Variants in PTTG1IP2 observed in about 807,000 individuals in gnomAD.
PTTG1IP2 encodes PTTG1IP family member 2.
intron 2 of PTTG1IP2, among the ~76,000 whole-genome samples, chr7:90,486,053 C>T (rs796832545): frequency 2.8e-4 from 42 of 152,238 alleles, no homozygotes; most frequent in African/African-American, 9.6e-4. Context: ...TTAATCTTGT[C>T]CAGTGTGAAA....
At chr7:90,506,023 A>G (rs1340678521) in intron 6 of PTTG1IP2, among the ~76,000 whole-genome samples, 1 of 150,364 alleles carries the variant, frequency 6.7e-6, no homozygotes, top group Non-Finnish European at 1.5e-5. Context: ...AAAAAAAAGA[A>G]AATGCCTGTT....
At chr7:90,501,972 A>C (rs138329936) in intron 6 of PTTG1IP2, among the ~76,000 whole-genome samples, 407 of 152,324 alleles carry the variant, frequency 2.7e-3, no homozygotes, top group Non-Finnish European at 3.7e-3. Flanking sequence ...TATCAATTAC[A>C]TTTATGTAAT....
chr7:90,502,243 C>T (rs981075216), intron 6 of PTTG1IP2, among the ~76,000 whole-genome samples: 2 of 152,192 alleles, frequency 1.3e-5, no homozygotes, highest in Admixed American at 6.5e-5. Flanking sequence ...CTCAAATGAT[C>T]CTCAAGTGAT....
intron 2 of PTTG1IP2, among the ~76,000 whole-genome samples, chr7:90,483,333 T>C (rs1416625009): frequency 6.6e-6 from 1 of 152,206 alleles, no homozygotes; most frequent in Non-Finnish European, 1.5e-5. Context: ...ATATCTTTTC[T>C]CTTTCATTGA....
chr7:90,476,306 T>A (rs1272040804), intron 1 of PTTG1IP2, among the ~76,000 whole-genome samples: 3 of 152,170 alleles, frequency 2.0e-5, no homozygotes, highest in Non-Finnish European at 2.9e-5. Context: ...CCATCTGATT[T>A]CTGAAATCCA....
chr7:90,486,628 G>T (rs756611354), intron 2 of PTTG1IP2, among the ~76,000 whole-genome samples: 2 of 152,096 alleles, frequency 1.3e-5, no homozygotes, highest in South Asian at 4.1e-4. Flanking sequence ...GTGAGGTAAG[G>T]CTTGTTGACA....
At chr7:90,472,940 C>T (rs2116041145) in intron 1 of PTTG1IP2, among the ~76,000 whole-genome samples, 1 of 152,234 alleles carries the variant, frequency 6.6e-6, no homozygotes, top group East Asian at 1.9e-4. Context: ...CCTGGTATAC[C>T]ACTTCTGGCT....
Position 90,492,711 on chromosome 7 carries a change from C to A in PTTG1IP2, c.451+402C>A, listed in dbSNP as rs1797952216. 2.6e-5 allele frequency among the ~76,000 whole-genome samples: 4 copies of A among 152,102 alleles called. No homozygotes were observed. The South Asian group carries it at 8.3e-4, about 32-fold the overall frequency. On this transcript the variant is annotated intron_variant, in intron 5 of 6. Coordinates refer to ENST00000509356, the MANE Select transcript of PTTG1IP2 (RefSeq NM_001365443.2). ...ATTGATAAAGATGGGCTAAAATTTT[C>A]CAACCCAGTCGGAGATATTCATAGC...
At chr7:90,489,584 A>G (rs956989917) in intron 4 of PTTG1IP2, among the ~76,000 whole-genome samples, 2 of 151,758 alleles carry the variant, frequency 1.3e-5, no homozygotes, top group African/African-American at 2.4e-5. Flanking sequence ...TTTCTCATTA[A>G]TTTGACCTTG....
intron 1 of PTTG1IP2, among the ~76,000 whole-genome samples, chr7:90,477,619 G>A (rs1671811054): frequency 6.6e-6 from 1 of 152,200 alleles, no homozygotes; most frequent in Admixed American, 6.5e-5. Flanking sequence ...GCAAGAGTGA[G>A]ACATTGTCGC....
intron 6 of PTTG1IP2, 127 bp from the exon 7 acceptor site, chr7:90,513,151 G>GA (rs1437398397): frequency 6.6e-6 from 1 of 152,622 alleles, no homozygotes; most frequent in African/African-American, 2.4e-5. Flanking sequence ...TCAGGAGTTG[G>GA]AAAACATTAC....
chr7:90,490,786 A>G (rs10253635), intron 4 of PTTG1IP2, among the ~76,000 whole-genome samples: 2,319 of 152,302 alleles, frequency 0.015, 53 homozygotes, highest in African/African-American at 0.053. Flanking sequence ...AATTCTGCCC[A>G]TAAGAGTAGG....
intron 2 of PTTG1IP2, among the ~76,000 whole-genome samples, chr7:90,481,786 C>A (rs1009490600): frequency 3.9e-5 from 6 of 152,110 alleles, no homozygotes; most frequent in African/African-American, 1.4e-4. Flanking sequence ...TCCTTAAGGA[C>A]AGAGTCCATG....
intron 6 of PTTG1IP2, among the ~76,000 whole-genome samples, chr7:90,496,862 T>G (rs1797997407): frequency 6.6e-6 from 1 of 152,192 alleles, no homozygotes; most frequent in African/African-American, 2.4e-5. Flanking sequence ...TTTTGCTGCA[T>G]CCCATAAATT....
rs550666357 is a variant in PTTG1IP2 at position 90,475,244 on chromosome 7, T to C, written c.146-3984T>C. ...ATTGTGACTATAGTCACACTGTGGT[T>C]GCCTTGACCTATTTAATTGACTATG... On this transcript the variant is annotated intron_variant, in intron 1 of 6. Transcript: ENST00000509356. Among the ~76,000 whole-genome samples, 7 of 152,324 alleles carry C rather than the reference T, an allele frequency of 4.6e-5. No individual in the cohort carries two copies. In the East Asian group the frequency reaches 1.3e-3, roughly 29 times the overall value.
intron 6 of PTTG1IP2, among the ~76,000 whole-genome samples, chr7:90,494,851 CA>C (rs549991765): frequency 3.5e-4 from 54 of 152,220 alleles, no homozygotes; most frequent in African/African-American, 1.2e-3. Context: ...TCACTACAAA[CA>C]ATAAAAAATT....
At chr7:90,502,808 G>A (rs925313595) in intron 6 of PTTG1IP2, among the ~76,000 whole-genome samples, 9 of 152,174 alleles carry the variant, frequency 5.9e-5, no homozygotes, top group African/African-American at 2.2e-4. Context: ...TAGAGTGCGG[G>A]CAAGTAGATT....
Position 90,488,876 on chromosome 7 carries a change from A to G in PTTG1IP2, c.292A>G (p.Met98Val), listed in dbSNP as rs896184307. ...TTTCTTTTTATACATTTCAGTTGACATGTTTGGAATCATGATGCTTCTACT... is the reference window on the plus strand; with the variant it reads ...TTTCTTTTTATACATTTCAGTTGACGTGTTTGGAATCATGATGCTTCTACT... ...SIYWLNCKVD[M>V]FGIMMLLLIA... The change falls in exon 4 of 7, where the codon ATG becomes GTG. Residue 98 changes from methionine to valine, a missense_variant. Coordinates refer to ENST00000509356, the MANE Select transcript of PTTG1IP2 (RefSeq NM_001365443.2). 6.6e-6 allele frequency: 1 copy of G among 152,048 alleles called. No homozygotes were observed. Among genetic ancestry groups the G allele is most frequent in the South Asian group, 2.1e-4 (1 of 4,818 alleles). The allele number at this position is 152,048 out of a possible 1,614,324, so 9.4% of individuals were successfully genotyped here. A position where few individuals can be genotyped will look rare whatever the true frequency, so the allele number is the denominator to read the frequency against.
At chr7:90,511,682 C>T (rs1013160293) in intron 6 of PTTG1IP2, among the ~76,000 whole-genome samples, 3 of 152,138 alleles carry the variant, frequency 2.0e-5, no homozygotes, top group Non-Finnish European at 4.4e-5. Flanking sequence ...ATTGCCAGCT[C>T]GCTTTACTTT....
Sources: allele counts gnomAD v4.1 joint callset (sites outside exome capture counted in the v4.1 genomes callset), GRCh38; gene constraint gnomAD v4.1.1; transcripts MANE v1.5; gene names NCBI Gene and HGNC (gene_info 2026-07-23, HGNC 2026-07-21).